The following OCA2 variants were observed in gnomAD, a reference collection of about 807,000 sequenced individuals.
OCA2 encodes OCA2 melanosomal transmembrane protein, also known as P protein.
Under a neutral mutation model 100.2 loss-of-function variants are expected in OCA2, and 77 were observed. The ratio of observed to expected loss-of-function variants is 0.77; its 90% CI spans 0.64 to 0.93. The LOEUF is 0.93. Ranked by LOEUF, OCA2 falls within the 40% of genes least tolerant of loss-of-function variation. The probability of loss-of-function intolerance (pLI) is 0.00; values close to 1 mark genes in which losing one functional copy is unlikely to be tolerated. For synonymous variants in OCA2, 432 were observed against 439.2 expected (o/e 0.98, Z 0.21); for missense variants, 1,062 against 1,089.1 (o/e 0.98, Z 0.35).
intron 23 of OCA2, among the ~76,000 whole-genome samples, chr15:27,772,874 A>C (rs2031971509): frequency 6.6e-6 from 1 of 151,498 alleles, no homozygotes; most frequent in Non-Finnish European, 1.5e-5. Context: ...GAAAATGGAG[A>C]GAACTATATG....
intron 19 of OCA2, among the ~76,000 whole-genome samples, chr15:27,891,555 A>G (rs76035994): frequency 0.016 from 2,368 of 152,316 alleles, 55 homozygotes; most frequent in African/African-American, 0.05. Context: ...ATTCTTCTGT[A>G]TACTTTAAAT....
intron 23 of OCA2, among the ~76,000 whole-genome samples, chr15:27,785,036 C>T (rs2151102356): frequency 6.6e-6 from 1 of 152,126 alleles, no homozygotes; most frequent in Admixed American, 6.5e-5. Flanking sequence ...CAAAACCAAA[C>T]CAAGGTATGC....
chr15:27,990,818 A>G (rs1259440006), intron 9 of OCA2, among the ~76,000 whole-genome samples, 171 bp from the exon 10 acceptor site: 1 of 152,232 alleles, frequency 6.6e-6, no homozygotes, highest in African/African-American at 2.4e-5. Context: ...AGACACATAC[A>G]GCTACCACCA....
intron 18 of OCA2, among the ~76,000 whole-genome samples, chr15:27,931,067 G>C (rs2039231012): frequency 6.6e-6 from 1 of 152,250 alleles, no homozygotes; most frequent in East Asian, 1.9e-4. Flanking sequence ...TCAAGAGTTA[G>C]AGACTACAGT....
chr15:27,764,975 CA>C (rs962793359), intron 23 of OCA2, among the ~76,000 whole-genome samples: 2 of 151,976 alleles, frequency 1.3e-5, no homozygotes, highest in African/African-American at 4.8e-5. Flanking sequence ...TCTTGCTAAA[CA>C]AGGGGTGGAT....
chr15:27,738,482 T>A, the OCA2 span, among the ~76,000 whole-genome samples: 1 of 152,122 alleles, frequency 6.6e-6, no homozygotes, highest in African/African-American at 2.4e-5. Context: ...ATGCCTGTAA[T>A]CCCAGCATTT....
rs2039451399 is a variant in OCA2, at chr15:27,936,347, C to A, written c.1952-10093G>T. Among the ~76,000 whole-genome samples the A allele has an allele frequency of 2.0e-5, 3 of 152,268 alleles. No homozygotes were observed. In the South Asian group the frequency reaches 6.2e-4, roughly 32 times the overall value. On this transcript the variant is annotated intron_variant, in intron 18 of 23. Coordinates refer to ENST00000354638, the MANE Select transcript of OCA2 (RefSeq NM_000275.3). ...CAGGGGGTTAAGGTCTATTATAGCA[C>A]CATGCATCAGGCAGTTGCTATGGCA...
intron 19 of OCA2, among the ~76,000 whole-genome samples, chr15:27,890,018 C>T (rs922611735): frequency 3.3e-5 from 5 of 152,280 alleles, no homozygotes; most frequent in East Asian, 1.9e-4. Context: ...TACATCCTCA[C>T]GCAGTGGAAG....
intron 23 of OCA2, among the ~76,000 whole-genome samples, chr15:27,812,739 CAT>C (rs1257106782): frequency 3.3e-5 from 5 of 152,148 alleles, no homozygotes; most frequent in African/African-American, 1.2e-4. Context: ...AAGGGAGAAA[CAT>C]GTGATGTGAG....
intron 18 of OCA2, among the ~76,000 whole-genome samples, chr15:27,928,071 C>T (rs1045550162): frequency 2.6e-5 from 4 of 152,036 alleles, no homozygotes; most frequent in Non-Finnish European, 5.9e-5. Flanking sequence ...GAATTACAGG[C>T]ATGAGCCACC....
At chr15:27,851,324 G>A (rs1023004210) in intron 22 of OCA2, 58 bp downstream of exon 22, 1 of 1,376,942 alleles carries the variant, frequency 7.3e-7, no homozygotes, top group Non-Finnish European at 1.0e-6. Flanking sequence ...CTGTTGCTTT[G>A]GGCTGAACCA....
At chr15:28,069,447 C>A (rs1161493651) in intron 2 of OCA2, among the ~76,000 whole-genome samples, 3 of 111,022 alleles carry the variant, frequency 2.7e-5, no homozygotes, top group Non-Finnish European at 5.2e-5. Context: ...TCTCCCCGGT[C>A]TCCCTCTCAT....
chr15:28,082,462 C>G (rs952366068), intron 1 of OCA2, among the ~76,000 whole-genome samples: 2 of 152,212 alleles, frequency 1.3e-5, no homozygotes, highest in African/African-American at 4.8e-5. Flanking sequence ...AAGAACCCAC[C>G]AGAAGGAACC....
intron 11 of OCA2, among the ~76,000 whole-genome samples, chr15:27,987,177 A>C (rs2041382874): frequency 6.6e-6 from 1 of 152,206 alleles, no homozygotes; most frequent in African/African-American, 2.4e-5. Context: ...CCTGGGTTCC[A>C]GGTGAACCCA....
At chr15:27,751,532 A>G (rs2030064626), downstream of OCA2, among the ~76,000 whole-genome samples, 1 of 152,218 alleles carries the variant, frequency 6.6e-6, no homozygotes, top group South Asian at 2.1e-4. Context: ...AAGGCAGCAT[A>G]TAACATATTG....
intron 23 of OCA2, among the ~76,000 whole-genome samples, chr15:27,761,054 C>T (rs1327637704): frequency 6.6e-6 from 1 of 152,012 alleles, no homozygotes; most frequent in African/African-American, 2.4e-5. Flanking sequence ...TCTCACCACT[C>T]TTATTCAACA....
chr15:27,907,363 A>T (rs2038216652), intron 19 of OCA2, among the ~76,000 whole-genome samples: 1 of 152,236 alleles, frequency 6.6e-6, no homozygotes, highest in African/African-American at 2.4e-5. Flanking sequence ...TCAAAATTTA[A>T]GGGATGCATT....
At chr15:27,820,506 C>T (rs1259294495) in intron 23 of OCA2, among the ~76,000 whole-genome samples, 2 of 152,230 alleles carry the variant, frequency 1.3e-5, no homozygotes, top group Non-Finnish European at 2.9e-5. Context: ...TCCTACAAGA[C>T]ACATGACCGA....
chr15:27,735,189 A>G, the OCA2 span, among the ~76,000 whole-genome samples: 1 of 152,184 alleles, frequency 6.6e-6, no homozygotes, highest in African/African-American at 2.4e-5. Context: ...TCAAGCAGAA[A>G]TCCTGGAGGT....
Sources: gnomAD v4.1 joint callset for allele counts (sites outside exome capture counted in the v4.1 genomes callset) on GRCh38, gnomAD v4.1.1 for gene constraint, MANE v1.5 for transcripts, NCBI Gene and HGNC (gene_info 2026-07-23, HGNC 2026-07-21) for gene names.